SLIT3: variants seen among roughly 807,000 people sequenced by gnomAD.
The protein encoded by SLIT3 is slit homolog 3 protein.
SLIT3 carries 68 observed loss-of-function variants against 184.0 expected under a neutral mutation model. The ratio of observed to expected loss-of-function variants is 0.37; its 90% CI spans 0.30 to 0.45. The LOEUF (loss-of-function observed/expected upper bound fraction) is 0.45, where lower values mean the gene tolerates loss of function less well. Among genes scored for constraint, SLIT3 ranks in the 20% least tolerant of loss-of-function variants. SLIT3 has a pLI of 1.00. For synonymous variants in SLIT3, 831 were observed against 828.6 expected, an observed-to-expected ratio of 1.00 and a Z score of -0.05; for missense variants, 1,707 against 2,026.0, an observed-to-expected ratio of 0.84 and a Z score of 3.02.
At chr5:168,717,587 A>T (rs1375715543) in intron 23 of SLIT3, among the ~76,000 whole-genome samples, 1 of 152,134 alleles carries the variant, frequency 6.6e-6, no homozygotes, top group Non-Finnish European at 1.5e-5. Flanking sequence ...ACAGCAACTA[A>T]CCGGTAGCAG....
intron 4 of SLIT3, among the ~76,000 whole-genome samples, chr5:169,070,383 T>G (rs1320208907): frequency 6.6e-6 from 1 of 152,178 alleles, no homozygotes; most frequent in African/African-American, 2.4e-5. Flanking sequence ...GAGAAACTTT[T>G]TGATGACCAC....
intron 4 of SLIT3, among the ~76,000 whole-genome samples, chr5:169,086,239 G>C (rs1759292804): frequency 6.6e-6 from 1 of 152,228 alleles, no homozygotes; most frequent in Non-Finnish European, 1.5e-5. Context: ...TGACTTGCAA[G>C]ATGGCAAGCA....
intron 12 of SLIT3, among the ~76,000 whole-genome samples, chr5:168,783,236 G>A (rs1756034511): frequency 6.6e-6 from 1 of 151,806 alleles, no homozygotes; most frequent in Non-Finnish European, 1.5e-5. Context: ...GCTTAGGACA[G>A]CTGGGGCTTG....
intron 4 of SLIT3, among the ~76,000 whole-genome samples, chr5:169,046,798 T>C (rs940752059): frequency 6.6e-6 from 1 of 152,182 alleles, no homozygotes; most frequent in Non-Finnish European, 1.5e-5. Flanking sequence ...AAGTGATTTC[T>C]TCTTAGAGAT....
At position 168,664,729 on chromosome 5, in the gene SLIT3, A is replaced by G. The variant is rs1195846044; in HGVS notation, c.*1725T>C. The stretch of plus-strand genomic sequence containing the variant: ...CTCCTGGGGGAAGGAGGGATGGATG[A>G]TAAGAGCCAGGGAGTTGGTGTGAAC... On this transcript the variant is annotated 3_prime_UTR_variant, in exon 36 of 36. Transcript: ENST00000519560. 1.3e-5 allele frequency: 2 copies of G among 152,276 alleles called. No homozygotes were observed. Among genetic ancestry groups the G allele is most frequent in the East Asian group, 3.9e-4 (2 of 5,184 alleles). 9.4% of individuals were successfully genotyped at this position (152,276 alleles called of 1,614,324 possible).
chr5:168,962,458 C>T (rs893480044), intron 4 of SLIT3, among the ~76,000 whole-genome samples: 2 of 152,070 alleles, frequency 1.3e-5, no homozygotes, highest in Non-Finnish European at 2.9e-5. Context: ...GAGAATATAA[C>T]CAGACCATGT....
rs1760861873 is a variant in SLIT3, at chr5:168,661,786, A to C, written c.*4668T>G. The C allele has an allele frequency of 6.6e-6, 1 of 152,222 alleles. No individual in the cohort carries two copies. Among genetic ancestry groups the C allele is most frequent in the African/African-American group, 2.4e-5 (1 of 41,454 alleles). The allele number at this position is 152,222 out of a possible 1,614,324, so 9.4% of individuals were successfully genotyped here. A position where few individuals can be genotyped will look rare whatever the true frequency, so the allele number is the denominator to read the frequency against. Reference sequence around the variant, plus strand: ...GCATCTGATAGCTCCTCTGTGACTCATCCATTTATTTTAATGACATCTGAA... The same window carrying C: ...GCATCTGATAGCTCCTCTGTGACTCCTCCATTTATTTTAATGACATCTGAA... On this transcript the variant is annotated 3_prime_UTR_variant, in exon 36 of 36. Coordinates refer to ENST00000519560, the MANE Select transcript of SLIT3 (RefSeq NM_003062.4).
At chr5:169,170,777 C>T (rs1762792757) in intron 4 of SLIT3, among the ~76,000 whole-genome samples, 1 of 152,158 alleles carries the variant, frequency 6.6e-6, no homozygotes, top group African/African-American at 2.4e-5. Context: ...TGGCAGGAAT[C>T]AACCTGTGGG....
intron 23 of SLIT3, among the ~76,000 whole-genome samples, chr5:168,717,843 G>C (rs1179068241): frequency 6.6e-6 from 1 of 152,014 alleles, no homozygotes; most frequent in Non-Finnish European, 1.5e-5. Context: ...TGTAGTTTTA[G>C]TGGAGACGAG....
At chr5:169,166,157 TCTC>T (rs1310754251) in intron 4 of SLIT3, among the ~76,000 whole-genome samples, 1 of 83,502 alleles carries the variant, frequency 1.2e-5, no homozygotes, top group Non-Finnish European at 2.8e-5. Context: ...CTAATTTTTT[TCTC>T]CTCCTCCTCT....
chr5:169,122,019 C>G (rs1266558902), intron 4 of SLIT3, among the ~76,000 whole-genome samples: 1 of 152,226 alleles, frequency 6.6e-6, no homozygotes, highest in African/African-American at 2.4e-5. Flanking sequence ...TTTACCATCC[C>G]CCAAATGTAG....
chr5:169,060,734 A>C (rs998716911), intron 4 of SLIT3, among the ~76,000 whole-genome samples: 1 of 152,226 alleles, frequency 6.6e-6, no homozygotes, highest in Non-Finnish European at 1.5e-5. Flanking sequence ...CAGGCAGAGA[A>C]GTTCTATGAA....
chr5:169,229,720 C>G (rs1039487149), intron 3 of SLIT3, among the ~76,000 whole-genome samples: 1 of 151,682 alleles, frequency 6.6e-6, no homozygotes, highest in African/African-American at 2.4e-5. Flanking sequence ...AGGAGCAGTG[C>G]TGAAATCACT....
At chr5:169,004,773 T>G (rs1755852544) in intron 4 of SLIT3, among the ~76,000 whole-genome samples, 1 of 152,084 alleles carries the variant, frequency 6.6e-6, no homozygotes, top group African/African-American at 2.4e-5. Flanking sequence ...ATGAATTCCC[T>G]TATAGGAAGG....
intron 2 of SLIT3, among the ~76,000 whole-genome samples, chr5:169,249,514 T>A (rs1391333186): frequency 1.3e-5 from 2 of 152,130 alleles, no homozygotes; most frequent in African/African-American, 4.8e-5. Flanking sequence ...GCTAAGAAAA[T>A]CAAGGGTTGT....
intron 1 of SLIT3, among the ~76,000 whole-genome samples, chr5:169,261,525 C>T (rs1766176733): frequency 6.6e-6 from 1 of 151,884 alleles, no homozygotes; most frequent in South Asian, 2.1e-4. Flanking sequence ...TCCTTCCCTC[C>T]CCATCTCCTT....
chr5:169,172,952 T>C (rs1298160717), intron 4 of SLIT3, among the ~76,000 whole-genome samples: 2 of 152,130 alleles, frequency 1.3e-5, no homozygotes, highest in South Asian at 4.1e-4. Context: ...CAGGGAGGGC[T>C]TCCTAGAGGT....
At chr5:168,811,194 T>C (rs1313763555) in intron 8 of SLIT3, among the ~76,000 whole-genome samples, 1 of 152,064 alleles carries the variant, frequency 6.6e-6, no homozygotes, top group Non-Finnish European at 1.5e-5. Context: ...AAGGACACAG[T>C]GGGGTCCAAA....
intron 4 of SLIT3, among the ~76,000 whole-genome samples, chr5:168,979,238 G>A (rs532973813): frequency 1.3e-5 from 2 of 152,302 alleles, no homozygotes; most frequent in South Asian, 2.1e-4. Flanking sequence ...GATTTTAAAC[G>A]AATGCTGCTC....
Sources: allele counts gnomAD v4.1 joint callset (sites outside exome capture counted in the v4.1 genomes callset), GRCh38; gene constraint gnomAD v4.1.1; transcripts MANE v1.5; gene names NCBI Gene and HGNC (gene_info 2026-07-23, HGNC 2026-07-21).